INPP5A: variants seen among roughly 807,000 people sequenced by gnomAD.
INPP5A encodes the protein 43 kDa inositol polyphosphate 5-phophatase.
Under a neutral mutation model 65.2 loss-of-function variants are expected in INPP5A, and 14 were observed. The observed-to-expected ratio is 0.21, with a 90% confidence interval of 0.14 to 0.34. The LOEUF (loss-of-function observed/expected upper bound fraction) is 0.34, where lower values mean the gene tolerates loss of function less well. INPP5A is among the 10% of genes least tolerant of loss of function. The probability of loss-of-function intolerance (pLI) is 1.00; values close to 1 mark genes in which losing one functional copy is unlikely to be tolerated. For missense variants in INPP5A, 431 were observed against 545.6 expected, an observed-to-expected ratio of 0.79 and a Z score of 2.09; for synonymous variants, 207 against 208.3, an observed-to-expected ratio of 0.99 and a Z score of 0.05.
chr10:132,607,801 C>A, intron 1 of INPP5A, 114 bp from the exon 2 acceptor site: 1 of 1,056,502 alleles, frequency 9.5e-7, no homozygotes, highest in Non-Finnish European at 1.4e-6. Flanking sequence ...GCGGGGTGGG[C>A]CCGGGCTGCG....
chr10:132,596,967 G>A (rs2071708223), intron 1 of INPP5A, among the ~76,000 whole-genome samples: 1 of 150,018 alleles, frequency 6.7e-6, no homozygotes, highest in Admixed American at 6.6e-5. Context: ...ATGTGTGCGT[G>A]TGTGCATGCG....
intron 1 of INPP5A, among the ~76,000 whole-genome samples, chr10:132,577,021 G>T (rs932784502): frequency 1.3e-5 from 2 of 152,242 alleles, no homozygotes; most frequent in African/African-American, 4.8e-5. Context: ...ATGGGGAGAG[G>T]GCTTGTGCTG....
chr10:132,781,526 G>A (rs1177452818), intron 14 of INPP5A, among the ~76,000 whole-genome samples: 3 of 152,362 alleles, frequency 2.0e-5, no homozygotes, highest in South Asian at 2.1e-4. Context: ...AGCCGAGGAC[G>A]GGAGAGCCTT....
At position 132,708,369 on chromosome 10, in the gene INPP5A, C is replaced by T. The variant is rs749942469; in HGVS notation, c.527+4C>T. The T allele has an allele frequency of 6.6e-5, 106 of 1,613,284 alleles. No individual in the cohort carries two copies. Among genetic ancestry groups the T allele is most frequent in the Admixed American group, 1.8e-4 (11 of 60,000 alleles). On this transcript the variant is annotated splice_donor_region_variant and intron_variant, in intron 7 of 15. Coordinates refer to ENST00000368594, the MANE Select transcript of INPP5A (RefSeq NM_005539.5). Reference sequence around the variant, plus strand: ...CGAGGTGGTGCATTGCAGACTGGTACGTGGTGTCTGTGCTTTGTCAATTTC... The same window carrying T: ...CGAGGTGGTGCATTGCAGACTGGTATGTGGTGTCTGTGCTTTGTCAATTTC...
chr10:132,750,390 TG>T (rs1241121644), intron 11 of INPP5A, among the ~76,000 whole-genome samples: 2 of 152,280 alleles, frequency 1.3e-5, no homozygotes, highest in Admixed American at 6.5e-5. Flanking sequence ...TGCGTGTCAA[TG>T]GGAATGTGCG....
At chr10:132,634,453 C>T (rs914494343) in intron 2 of INPP5A, among the ~76,000 whole-genome samples, 1 of 152,230 alleles carries the variant, frequency 6.6e-6, no homozygotes, top group African/African-American at 2.4e-5. Flanking sequence ...GAGTGTGCCA[C>T]GGAGAGGAGT....
At position 132,674,614 on chromosome 10, in the gene INPP5A, C is replaced by T. The variant is rs2072938891; in HGVS notation, c.307-15778C>T. ...GCATTTGAGCCACGTCGTCATGTAA[C>T]TTACTTGTGCCTTCAGGACTTAATC... On this transcript the variant is annotated intron_variant, in intron 4 of 15. Coordinates refer to ENST00000368594, the MANE Select transcript of INPP5A (RefSeq NM_005539.5). The surrounding 1 kb of genome is among the most constrained non-coding windows in gnomAD (Gnocchi z 4.4). 6.6e-6 allele frequency among the ~76,000 whole-genome samples: 1 copy of T among 152,172 alleles called. No individual in the cohort carries two copies. Among genetic ancestry groups the T allele is most frequent in the Non-Finnish European group, 1.5e-5 (1 of 68,034 alleles).
intron 2 of INPP5A, among the ~76,000 whole-genome samples, chr10:132,635,460 A>C (rs1200738223): frequency 8.8e-6 from 1 of 113,068 alleles, no homozygotes; most frequent in Non-Finnish European, 1.6e-5. Flanking sequence ...CAGTGGCGCG[A>C]TCTTGGCTCA....
At chr10:132,652,804 C>T (rs181465914) in intron 4 of INPP5A, among the ~76,000 whole-genome samples, 3 of 152,326 alleles carry the variant, frequency 2.0e-5, no homozygotes, top group East Asian at 1.9e-4. Flanking sequence ...TCAGAACGAG[C>T]GTGTTGTCGG....
intron 11 of INPP5A, 57 bp downstream of exon 11, chr10:132,749,902 G>C (rs1846443360): frequency 6.9e-7 from 1 of 1,453,742 alleles, no homozygotes; most frequent in East Asian, 2.3e-5. Flanking sequence ...ACGCCCCCAG[G>C]CCTTCCCATT....
In INPP5A at chr10:132,549,573, C is replaced by T. The variant is rs112434396; in HGVS notation, c.75+11402C>T. Reference sequence around the variant, plus strand: ...CCCCTCCAGGAGGGCCTGTGGGATGCGAGGCCTCTGCTACGAGGCTCCCGC... The same window carrying T: ...CCCCTCCAGGAGGGCCTGTGGGATGTGAGGCCTCTGCTACGAGGCTCCCGC... On this transcript the variant is annotated intron_variant, in intron 1 of 15. Transcript: ENST00000368594. This position sits in a 1 kb window ranked among gnomAD's most constrained non-coding sequence, Gnocchi z 4.9. Among the ~76,000 whole-genome samples the T allele has an allele frequency of 1.2e-3, 188 of 152,302 alleles. 1 individual carries two copies. Among genetic ancestry groups the T allele is most frequent in the African/African-American group, 4.1e-3 (172 of 41,554 alleles).
intron 3 of INPP5A, among the ~76,000 whole-genome samples, chr10:132,649,859 A>C (rs2072548908): frequency 6.6e-6 from 1 of 152,102 alleles, no homozygotes. Flanking sequence ...ATAAAATGTG[A>C]CCAGTAGGAT....
chr10:132,623,781 A>G (rs546950793), intron 2 of INPP5A, among the ~76,000 whole-genome samples: 5 of 152,378 alleles, frequency 3.3e-5, no homozygotes, highest in African/African-American at 1.2e-4. Flanking sequence ...GAATATACAA[A>G]GAACTCTGAA....
chr10:132,734,245 G>A (rs1307426939), intron 9 of INPP5A, among the ~76,000 whole-genome samples: 2 of 152,122 alleles, frequency 1.3e-5, no homozygotes, highest in Admixed American at 6.5e-5. Context: ...GACCACACCC[G>A]GCAGTGGCCA....
intron 4 of INPP5A, among the ~76,000 whole-genome samples, chr10:132,684,937 G>A (rs2073095776): frequency 6.6e-6 from 1 of 152,184 alleles, no homozygotes; most frequent in Admixed American, 6.5e-5. Flanking sequence ...GGGGAGTCAT[G>A]TTTAGTAATC....
At position 132,546,381 on chromosome 10, in the gene INPP5A, C is replaced by T. The variant is rs1163877475; in HGVS notation, c.75+8210C>T. On this transcript the variant is annotated intron_variant, in intron 1 of 15. Coordinates refer to ENST00000368594, the MANE Select transcript of INPP5A (RefSeq NM_005539.5). The surrounding 1 kb of genome is among the most constrained non-coding windows in gnomAD (Gnocchi z 5.7). ...GTGAGAACAGCCCCACCTCCAGGAG[C>T]ATGGCCTCCGGATCAGCCTGTTACT... 6.6e-6 allele frequency among the ~76,000 whole-genome samples: 1 copy of T among 152,064 alleles called. No individual in the cohort carries two copies. The highest frequency in any genetic ancestry group is 1.5e-5 in the Non-Finnish European group (1 of 68,022).
Position 132,689,496 on chromosome 10 carries a change from G to A in INPP5A, c.307-896G>A, listed in dbSNP as rs531631842. On this transcript the variant is annotated intron_variant, in intron 4 of 15. Coordinates refer to ENST00000368594, the MANE Select transcript of INPP5A (RefSeq NM_005539.5). ...GATTAATGTATAGATGGTGAGATTC[G>A]CCCTCTTTGGGGTATAATTTAGTGA... Among the ~76,000 whole-genome samples the A allele has an allele frequency of 3.9e-5, 6 of 152,318 alleles. No homozygotes were observed. In the South Asian group the frequency reaches 8.3e-4, roughly 21 times the overall value.
chr10:132,669,373 A>G (rs766253366), intron 4 of INPP5A, among the ~76,000 whole-genome samples: 2 of 152,164 alleles, frequency 1.3e-5, no homozygotes, highest in Non-Finnish European at 2.9e-5. Context: ...CCTGGTGCCC[A>G]CTGTGGCCTA....
At chr10:132,673,078 G>A (rs1191180252) in intron 4 of INPP5A, among the ~76,000 whole-genome samples, 3 of 152,096 alleles carry the variant, frequency 2.0e-5, no homozygotes, top group East Asian at 1.9e-4. Context: ...CCTTAGCTTC[G>A]TTGCAGAGTA....
Sources: gnomAD v4.1 joint callset for allele counts (sites outside exome capture counted in the v4.1 genomes callset) on GRCh38, gnomAD v4.1.1 for gene constraint, Gnocchi (gnomAD v3.1) non-coding constraint, MANE v1.5 for transcripts, NCBI Gene and HGNC (gene_info 2026-07-23, HGNC 2026-07-21) for gene names.